KCNIP4: variants seen among roughly 807,000 people sequenced by gnomAD.
KCNIP4 encodes the protein Kv channel-interacting protein 4.
Under a neutral mutation model 34.0 loss-of-function variants are expected in KCNIP4, and 12 were observed. The ratio of observed to expected loss-of-function variants is 0.35; its 90% CI spans 0.23 to 0.57. The LOEUF is 0.57. Among genes scored for constraint, KCNIP4 ranks in the 20% least tolerant of loss-of-function variants. The pLI is 0.83. For synonymous variants in KCNIP4, 124 were observed against 102.2 expected, an observed-to-expected ratio of 1.21 and a Z score of -1.29; for missense variants, 238 against 311.7, an observed-to-expected ratio of 0.76 and a Z score of 1.78.
At chr4:21,710,344 C>A (rs115901452) in intron 1 of KCNIP4, among the ~76,000 whole-genome samples, 3 of 152,120 alleles carry the variant, frequency 2.0e-5, no homozygotes, top group Non-Finnish European at 2.9e-5. Flanking sequence ...ATCAGAGAAG[C>A]GTGATTAAAT....
chr4:20,790,369 A>C (rs1376962193), intron 3 of KCNIP4, among the ~76,000 whole-genome samples: 1 of 152,158 alleles, frequency 6.6e-6, no homozygotes, highest in Non-Finnish European at 1.5e-5. Context: ...GCTACCCTAA[A>C]TTTATTTAAA....
At chr4:21,910,317 A>G (rs915479910) in intron 1 of KCNIP4, among the ~76,000 whole-genome samples, 2 of 152,156 alleles carry the variant, frequency 1.3e-5, no homozygotes, top group Non-Finnish European at 2.9e-5. Context: ...ACTAAAATTT[A>G]AAACATTTTT....
At chr4:21,418,078 G>T (rs2109615352) in intron 1 of KCNIP4, among the ~76,000 whole-genome samples, 1 of 152,186 alleles carries the variant, frequency 6.6e-6, no homozygotes, top group East Asian at 1.9e-4. Flanking sequence ...GTCCAGCCTT[G>T]ATTTCTGTAG....
intron 1 of KCNIP4, among the ~76,000 whole-genome samples, chr4:21,624,293 A>G (rs980334930): frequency 6.6e-6 from 1 of 152,162 alleles, no homozygotes; most frequent in Non-Finnish European, 1.5e-5. Context: ...TTTTCATAGC[A>G]TATATTCCAG....
chr4:21,012,332 G>A (rs550498912), intron 1 of KCNIP4, among the ~76,000 whole-genome samples: 5 of 152,232 alleles, frequency 3.3e-5, no homozygotes, highest in East Asian at 1.9e-4. Flanking sequence ...TAATCCCAGC[G>A]CTTTAGGAGG....
intron 1 of KCNIP4, among the ~76,000 whole-genome samples, chr4:20,972,334 T>C (rs2149678780): frequency 6.6e-6 from 1 of 152,364 alleles, no homozygotes; most frequent in Non-Finnish European, 1.5e-5. Flanking sequence ...ATGGCAGCTA[T>C]AGCCTTACAA....
chr4:21,025,543 GTTTTTTTTTTTTT>G (rs772689134), intron 1 of KCNIP4, among the ~76,000 whole-genome samples: 3 of 34,786 alleles, frequency 8.6e-5, no homozygotes, highest in African/African-American at 2.0e-4. Flanking sequence ...CATTGATACT[GTTTTTTTTTTTTT>G]TTTTTTTTTT....
chr4:20,858,211 C>CA (rs778798968), intron 2 of KCNIP4, among the ~76,000 whole-genome samples: 3,332 of 70,464 alleles, frequency 0.047, 391 homozygotes, highest in Non-Finnish European at 0.06. Context: ...AACTCCATCT[C>CA]AAAAAAAAAA....
chr4:21,322,219 A>G (rs558667103), intron 1 of KCNIP4, among the ~76,000 whole-genome samples: 1 of 152,240 alleles, frequency 6.6e-6, no homozygotes, highest in South Asian at 2.1e-4. Context: ...GTCCCACTGT[A>G]TTTAACAGAA....
At chr4:20,774,259 T>C (rs2149383327) in intron 3 of KCNIP4, among the ~76,000 whole-genome samples, 1 of 152,332 alleles carries the variant, frequency 6.6e-6, no homozygotes, top group South Asian at 2.1e-4. Flanking sequence ...ATGTTTATCC[T>C]TGTTAAATAC....
chr4:21,889,089 A>G (rs1726944676), intron 1 of KCNIP4, among the ~76,000 whole-genome samples: 1 of 152,126 alleles, frequency 6.6e-6, no homozygotes, highest in African/African-American at 2.4e-5. Context: ...GTGTAAGAAA[A>G]TGATTGCTTA....
At chr4:20,776,852 T>G (rs1756414398) in intron 3 of KCNIP4, among the ~76,000 whole-genome samples, 1 of 152,190 alleles carries the variant, frequency 6.6e-6, no homozygotes, top group Non-Finnish European at 1.5e-5. Context: ...CATGTATAAC[T>G]ATTTCTCCAT....
intron 1 of KCNIP4, among the ~76,000 whole-genome samples, chr4:21,336,497 A>C (rs1273170286): frequency 6.6e-6 from 1 of 152,164 alleles, no homozygotes; most frequent in African/African-American, 2.4e-5. Flanking sequence ...CCATTTGTGC[A>C]CATCTCCCCA....
At chr4:21,054,040 G>GACAAAATGTAGATATTA (rs1473202567) in intron 1 of KCNIP4, among the ~76,000 whole-genome samples, 2 of 152,086 alleles carry the variant, frequency 1.3e-5, no homozygotes, top group African/African-American at 4.8e-5. Context: ...TGTAGATATT[G>GACAAAATGTAGATATTA]ACAAAATGTA....
intron 4 of KCNIP4, among the ~76,000 whole-genome samples, chr4:20,758,234 T>C (rs1220708452): frequency 6.6e-6 from 1 of 152,210 alleles, no homozygotes; most frequent in African/African-American, 2.4e-5. Flanking sequence ...TATCCTTGTG[T>C]TTTCTTTCCA....
intron 1 of KCNIP4, among the ~76,000 whole-genome samples, chr4:21,560,049 T>C (rs532931967): frequency 3.3e-5 from 5 of 152,266 alleles, no homozygotes; most frequent in Admixed American, 2.0e-4. Context: ...TCTTTGATAA[T>C]ATTTCATTCT....
chr4:21,670,873 G>T (rs1482347294), intron 1 of KCNIP4, among the ~76,000 whole-genome samples: 1 of 151,822 alleles, frequency 6.6e-6, no homozygotes, highest in East Asian at 1.9e-4. Context: ...AGCCAGGACG[G>T]TCTCGATCTC....
intron 1 of KCNIP4, among the ~76,000 whole-genome samples, chr4:21,553,286 T>G (rs1370692733): frequency 6.6e-6 from 1 of 152,140 alleles, no homozygotes. Flanking sequence ...ACTAGGTTTG[T>G]GTTAATCTCC....
At position 20,804,059 on chromosome 4, in the gene KCNIP4, G is replaced by C. The variant is rs959691168; in HGVS notation, c.289-45169C>G. ...GTAAAATATTAAAAGTGATGGGGTA[G>C]GATAGTAACTCAAGTGTAATAGTGA... On this transcript the variant is annotated intron_variant, in intron 3 of 8. Transcript: ENST00000382152. 2.6e-5 allele frequency among the ~76,000 whole-genome samples: 4 copies of C among 152,276 alleles called. No homozygotes were observed. In the East Asian group the frequency reaches 7.7e-4, roughly 29 times the overall value.
Sources: gnomAD v4.1 joint callset for allele counts (sites outside exome capture counted in the v4.1 genomes callset) on GRCh38, gnomAD v4.1.1 for gene constraint, MANE v1.5 for transcripts, NCBI Gene and HGNC (gene_info 2026-07-23, HGNC 2026-07-21) for gene names.